Variants in NKAIN2 observed in about 807,000 individuals in gnomAD.
NKAIN2 encodes the protein sodium/potassium transporting ATPase interacting 2.
Under a neutral mutation model 32.6 loss-of-function variants are expected in NKAIN2, and 14 were observed. That is an observed-to-expected ratio of 0.43 (90% CI 0.28 to 0.67). The LOEUF (loss-of-function observed/expected upper bound fraction) is 0.67. Ranked by LOEUF, NKAIN2 falls within the 30% of genes least tolerant of loss-of-function variation. The pLI, the probability that NKAIN2 is intolerant of heterozygous loss-of-function variation, is 0.17. For synonymous variants in NKAIN2, 80 were observed against 87.2 expected (o/e 0.92, Z 0.46); for missense variants, 198 against 258.3 (o/e 0.77, Z 1.60).
chr6:124,111,158 C>T (rs1785368101), intron 1 of NKAIN2, among the ~76,000 whole-genome samples: 2 of 152,052 alleles, frequency 1.3e-5, no homozygotes, highest in Admixed American at 6.6e-5. Flanking sequence ...GAGAAAGATG[C>T]ATGTCTGAGA....
intron 6 of NKAIN2, among the ~76,000 whole-genome samples, chr6:124,822,825 A>C (rs1781447669): frequency 6.6e-6 from 1 of 152,164 alleles, no homozygotes; most frequent in Non-Finnish European, 1.5e-5. Flanking sequence ...TTAAGTTTTT[A>C]ACAAAATAGC....
chr6:124,724,074 A>G (rs1446160635), intron 4 of NKAIN2, among the ~76,000 whole-genome samples: 1 of 152,226 alleles, frequency 6.6e-6, no homozygotes, highest in Non-Finnish European at 1.5e-5. Context: ...TTCAGATGTA[A>G]GTCACTGAAC....
At chr6:124,533,471 CA>C (rs201100605) in intron 3 of NKAIN2, among the ~76,000 whole-genome samples, 10 of 58,970 alleles carry the variant, frequency 1.7e-4, no homozygotes, top group African/African-American at 4.9e-4. Flanking sequence ...GACTCTGTCT[CA>C]AAAAAAAAAA....
intron 4 of NKAIN2, among the ~76,000 whole-genome samples, chr6:124,702,299 GA>G (rs780570276): frequency 2.0e-4 from 31 of 151,938 alleles, no homozygotes; most frequent in Non-Finnish European, 3.8e-4. Context: ...TCATAAATAT[GA>G]AACCTTGTAA....
At chr6:123,963,439 C>A (rs1309739553) in intron 1 of NKAIN2, among the ~76,000 whole-genome samples, 1 of 152,112 alleles carries the variant, frequency 6.6e-6, no homozygotes, top group Admixed American at 6.6e-5. Context: ...AAGCAATTGT[C>A]CAGAGAGTTG....
At chr6:124,227,793 C>G (rs1582884383) in intron 1 of NKAIN2, among the ~76,000 whole-genome samples, 1 of 152,228 alleles carries the variant, frequency 6.6e-6, no homozygotes, top group South Asian at 2.1e-4. Context: ...GGCAGATGGG[C>G]CTTCTGGATG....
intron 1 of NKAIN2, among the ~76,000 whole-genome samples, chr6:123,936,400 G>A (rs1296799017): frequency 6.6e-6 from 1 of 151,950 alleles, no homozygotes; most frequent in East Asian, 1.9e-4. Flanking sequence ...TGAGATGTGG[G>A]ACAAAATGCA....
At chr6:124,428,121 C>A (rs1250217414) in intron 3 of NKAIN2, among the ~76,000 whole-genome samples, 2 of 151,974 alleles carry the variant, frequency 1.3e-5, no homozygotes, top group African/African-American at 4.8e-5. Context: ...AAAAATAGAT[C>A]CAGCAGGTTT....
rs552764697 is a variant in NKAIN2, at chr6:123,992,686, G to T, written c.54+188432G>T. 5.3e-5 allele frequency among the ~76,000 whole-genome samples: 8 copies of T among 152,302 alleles called. No individual in the cohort carries two copies. The South Asian group carries it at 1.5e-3, about 28-fold the overall frequency. ...ATTAATTGCTTCTATAAAGCTGGCT[G>T]ACTAGGAAGTGTTTAATGCAAACTG... On this transcript the variant is annotated intron_variant, in intron 1 of 6. Transcript: ENST00000368417.
chr6:124,203,909 G>A (rs2114634681), intron 1 of NKAIN2, among the ~76,000 whole-genome samples: 1 of 151,890 alleles, frequency 6.6e-6, no homozygotes. Flanking sequence ...TTTAATACAT[G>A]TGTAAAACTG....
intron 2 of NKAIN2, among the ~76,000 whole-genome samples, chr6:124,348,529 T>C (rs1469000368): frequency 2.0e-5 from 3 of 152,242 alleles, no homozygotes; most frequent in Non-Finnish European, 4.4e-5. Flanking sequence ...TAATCAAGCC[T>C]GGGCAATGGC....
chr6:124,319,242 A>C (rs1405490329), intron 2 of NKAIN2, among the ~76,000 whole-genome samples: 1 of 152,138 alleles, frequency 6.6e-6, no homozygotes, highest in Non-Finnish European at 1.5e-5. Flanking sequence ...TATTTAAATT[A>C]GTTTCTAACT....
chr6:124,212,303 C>T (rs976101666), intron 1 of NKAIN2, among the ~76,000 whole-genome samples: 7 of 151,864 alleles, frequency 4.6e-5, no homozygotes, highest in Admixed American at 6.6e-5. Flanking sequence ...TTTTATGCTG[C>T]GACTTCAATC....
At chr6:124,477,725 T>C (rs1251970582) in intron 3 of NKAIN2, among the ~76,000 whole-genome samples, 1 of 24,810 alleles carries the variant, frequency 4.0e-5, no homozygotes, top group Non-Finnish European at 7.2e-5. Context: ...TCTTCCCCCT[T>C]CCCCCTCCCT....
intron 3 of NKAIN2, among the ~76,000 whole-genome samples, chr6:124,450,252 CAG>C (rs1379635984): frequency 1.3e-5 from 2 of 152,002 alleles, no homozygotes; most frequent in Non-Finnish European, 2.9e-5. Flanking sequence ...CAAATATTAA[CAG>C]AATAAATTCA....
intron 3 of NKAIN2, among the ~76,000 whole-genome samples, chr6:124,652,081 A>G (rs1784388079): frequency 6.6e-6 from 1 of 151,930 alleles, no homozygotes; most frequent in African/African-American, 2.4e-5. Flanking sequence ...AAGCCACACA[A>G]CTCCTGTAAT....
chr6:124,592,694 C>T (rs1041575072), intron 3 of NKAIN2, among the ~76,000 whole-genome samples: 6 of 152,132 alleles, frequency 3.9e-5, no homozygotes, highest in African/African-American at 9.7e-5. Flanking sequence ...AACAACAAGC[C>T]GCTTCACAAT....
chr6:123,897,724 G>A (rs554227037), intron 1 of NKAIN2, among the ~76,000 whole-genome samples: 30 of 152,138 alleles, frequency 2.0e-4, no homozygotes, highest in South Asian at 4.2e-4. Flanking sequence ...GTCTGGCATA[G>A]AGAGGGTGCT....
chr6:124,529,880 C>G (rs1393279564), intron 3 of NKAIN2, among the ~76,000 whole-genome samples: 3 of 152,050 alleles, frequency 2.0e-5, no homozygotes, highest in Non-Finnish European at 4.4e-5. Context: ...TGTTTGTATC[C>G]CTCCAAAATG....
Sources: gnomAD v4.1 joint callset for allele counts (sites outside exome capture counted in the v4.1 genomes callset) on GRCh38, gnomAD v4.1.1 for gene constraint, MANE v1.5 for transcripts, NCBI Gene and HGNC (gene_info 2026-07-23, HGNC 2026-07-21) for gene names.